The following PRPF39 variants were observed in gnomAD, a reference collection of about 807,000 sequenced individuals.
PRPF39 encodes the protein pre-mRNA-processing factor 39.
In PRPF39, 27 loss-of-function variants were observed where a neutral mutation model predicts 82.1. The observed-to-expected ratio is 0.33, with a 90% CI of 0.24 to 0.45. The LOEUF (loss-of-function observed/expected upper bound fraction) is 0.45, where lower values mean the gene tolerates loss of function less well. Ranked by LOEUF, PRPF39 falls within the 20% of genes least tolerant of loss-of-function variation. The probability of loss-of-function intolerance (pLI) is 1.00; values close to 1 mark genes in which losing one functional copy is unlikely to be tolerated. For missense variants in PRPF39, 581 were observed against 796.9 expected (o/e 0.73, Z 3.26); for synonymous variants, 261 against 256.4 (o/e 1.02, Z -0.17).
At chr14:45,113,983 CAA>C (rs1281077643) in intron 11 of PRPF39, among the ~76,000 whole-genome samples, 198 bp from the exon 12 acceptor site, 1 of 152,114 alleles carries the variant, frequency 6.6e-6, no homozygotes, top group Non-Finnish European at 1.5e-5. Context: ...AGATTCAACA[CAA>C]GTGTCATTTA....
intron 1 of PRPF39, among the ~76,000 whole-genome samples, chr14:45,092,925 C>T (rs1407391259): frequency 6.6e-6 from 1 of 151,944 alleles, no homozygotes; most frequent in Non-Finnish European, 1.5e-5. Flanking sequence ...AAAAATGTAT[C>T]CAGTCAACTT....
At chr14:45,096,020 A>T in intron 2 of PRPF39, 83 bp from the exon 3 acceptor site, 1 of 1,226,194 alleles carries the variant, frequency 8.2e-7, no homozygotes, top group Non-Finnish European at 1.1e-6. Context: ...TTATTTTTTT[A>T]GATAATAACG....
chr14:45,107,752 A>G, intron 6 of PRPF39, 136 bp downstream of exon 6: 1 of 807,008 alleles, frequency 1.2e-6, no homozygotes, highest in Non-Finnish European at 1.9e-6. Flanking sequence ...AACATGGTGA[A>G]ACCCTGTCTA....
chr14:45,101,819 T>G (rs985258631), intron 4 of PRPF39, among the ~76,000 whole-genome samples: 1 of 151,744 alleles, frequency 6.6e-6, no homozygotes, highest in Admixed American at 6.6e-5. Flanking sequence ...CTTTTTTTTT[T>G]TTTTTGAGAC....
chr14:45,097,135 ATAAACT>A lies in PRPF39; in HGVS notation c.569+134_569+139del, dbSNP rs112109440. On this transcript the variant is annotated intron_variant, in intron 4 of 13. Coordinates refer to ENST00000355765, the MANE Select transcript of PRPF39 (RefSeq NM_017922.4). ...CATTGTTAAAAAAATGATACATGTA[ATAAACT>A]TAAGCTTTATGATTTGAAAATGCAG... is the stretch of plus-strand genomic sequence containing the variant. 9,467 of 1,333,546 alleles carry A rather than the reference ATAAACT, an allele frequency of 7.1e-3. 525 individuals are homozygous for A. The African/African-American group carries it at 0.12, about 17-fold the overall frequency. The allele number at this position is 1,333,546 out of a possible 1,614,324, so 82.6% of individuals were successfully genotyped here. A position where few individuals can be genotyped will look rare whatever the true frequency, so the allele number is the denominator to read the frequency against.
At position 45,112,424 on chromosome 14, in the gene PRPF39, C is replaced by A; in HGVS notation, c.1679C>A (p.Ser560Ter). The change falls in exon 11 of 14, where the codon TCA (serine) becomes TAA (stop). Residue 560 changes from serine to a stop codon, truncating the protein, a stop_gained. Coordinates refer to ENST00000355765, the MANE Select transcript of PRPF39 (RefSeq NM_017922.4). LOFTEE classifies it high-confidence loss of function. Reference sequence around the variant, plus strand: ...TGTTTTGACAAAGCTGTACATGGTTCATTACCTATTAAAATGAGAATTACA... The same window carrying A: ...TGTTTTGACAAAGCTGTACATGGTTAATTACCTATTAAAATGAGAATTACA... ...LNCFDKAVHG[S>*]LPIKMRITFS... The A allele has an allele frequency of 6.4e-7, 1 of 1,551,620 alleles. No homozygotes were observed. Among genetic ancestry groups the A allele is most frequent in the South Asian group, 1.3e-5 (1 of 79,664 alleles).
At position 45,107,462 on chromosome 14, in the gene PRPF39, A is replaced by G; in HGVS notation, c.749A>G (p.His250Arg). The G allele has an allele frequency of 1.3e-6, 2 of 1,541,146 alleles. No homozygotes were observed. Among genetic ancestry groups the G allele is most frequent in the Non-Finnish European group, 1.8e-6 (2 of 1,131,976 alleles). ...YSHHFQRFKEHVQNNLPRDLL... is the reference protein window; with the variant it reads ...YSHHFQRFKERVQNNLPRDLL... ...TTGTCTTCCTTTAGATTTAAAGAAC[A>G]TGTACAGAATAATTTGCCTAGAGAT... The change falls in exon 6 of 14, where the codon CAT becomes CGT. Residue 250 changes from histidine (H) to arginine (R), a missense_variant. His to Arg is a conservative substitution (Grantham distance 29). Transcript: ENST00000355765.
chr14:45,102,615 A>G lies in PRPF39; in HGVS notation c.656A>G (p.Gln219Arg), dbSNP rs1884411088. The change falls in exon 5 of 14, where the codon CAG becomes CGG. Residue 219 changes from glutamine (Q) to arginine (R), a missense_variant. Coordinates refer to ENST00000355765, the MANE Select transcript of PRPF39 (RefSeq NM_017922.4). ...ATGTATATAAACTGGGAAAATGAGCAGGGAAACCTGAGAGAAGTTACAGCT... is the reference window on the plus strand; with the variant it reads ...ATGTATATAAACTGGGAAAATGAGCGGGGAAACCTGAGAGAAGTTACAGCT... ...WEMYINWENE[Q>R]GNLREVTAIY... 8.7e-6 allele frequency: 14 copies of G among 1,611,718 alleles called. No individual in the cohort carries two copies. Among genetic ancestry groups the G allele is most frequent in the Non-Finnish European group, 1.2e-5 (14 of 1,178,238 alleles).
chr14:45,088,730 G>A (rs920021089), intron 1 of PRPF39, among the ~76,000 whole-genome samples: 10 of 152,134 alleles, frequency 6.6e-5, no homozygotes, highest in African/African-American at 2.4e-4. Flanking sequence ...TGAAGTTATA[G>A]CAGTGCAGAT....
intron 4 of PRPF39, among the ~76,000 whole-genome samples, chr14:45,100,075 A>T (rs1261712463): frequency 2.0e-5 from 3 of 152,088 alleles, no homozygotes; most frequent in African/African-American, 7.2e-5. Flanking sequence ...TTAAAATACA[A>T]AAAAATTAGC....
chr14:45,092,901 A>G (rs1884081238), intron 1 of PRPF39, among the ~76,000 whole-genome samples: 1 of 143,808 alleles, frequency 7.0e-6, no homozygotes, highest in Non-Finnish European at 1.5e-5. Flanking sequence ...TGGTAGTCAT[A>G]AAATTGTTAA....
chr14:45,110,892 T>C lies in PRPF39; in HGVS notation c.1572+75T>C. Reference sequence around the variant, plus strand: ...CAGTGTATTTTCACTGTGGCAACTGTGATGAAAGATTTGGTCTGTATGTAA... The same window carrying C: ...CAGTGTATTTTCACTGTGGCAACTGCGATGAAAGATTTGGTCTGTATGTAA... On this transcript the variant is annotated intron_variant, in intron 10 of 13. Transcript: ENST00000355765. The surrounding 1 kb of genome is among the most constrained non-coding windows in gnomAD (Gnocchi z 4.0). 1 of 1,333,090 alleles carries C rather than the reference T, an allele frequency of 7.5e-7. No homozygotes were observed. Among genetic ancestry groups the C allele is most frequent in the Non-Finnish European group, 1.0e-6 (1 of 981,816 alleles). 82.6% of individuals were successfully genotyped at this position (1,333,090 alleles called of 1,614,324 possible).
In PRPF39 at chr14:45,116,068, A is replaced by C. The variant is rs919007066; in HGVS notation, c.*1155A>C. ...AGCTGGGACCAAGTAAACAAATTTT[A>C]TTAACTCCTTGAATTTTCCAGTTGA... On this transcript the variant is annotated 3_prime_UTR_variant, in exon 14 of 14. Transcript: ENST00000355765. 46 of 641,376 alleles carry C rather than the reference A, an allele frequency of 7.2e-5. No homozygotes were observed. Among genetic ancestry groups the C allele is most frequent in the Admixed American group, 6.6e-4 (26 of 39,600 alleles). The allele number at this position is 641,376 out of a possible 1,614,324, so 39.7% of individuals were successfully genotyped here. A position where few individuals can be genotyped will look rare whatever the true frequency, so the allele number is the denominator to read the frequency against.
intron 6 of PRPF39, 55 bp downstream of exon 6, chr14:45,107,671 G>A: frequency 6.7e-7 from 1 of 1,496,884 alleles, no homozygotes; most frequent in Non-Finnish European, 9.0e-7. Flanking sequence ...GCTTATGCCT[G>A]TAATCGCAGC....
chr14:45,109,947 C>T, intron 8 of PRPF39, 147 bp from the exon 9 acceptor site: 1 of 1,538,292 alleles, frequency 6.5e-7, no homozygotes, highest in South Asian at 1.3e-5. Context: ...ACCTCGTTGC[C>T]TCTCTTCGTC....
At position 45,110,117 on chromosome 14, in the gene PRPF39, T is replaced by C; in HGVS notation, c.1200T>C (p.His400=). ...AGTATGCCAAGTACATGGAAAACCA[T>C]AGCATTGAAGGAGTGAGGCATGTCT... ...WIKYAKYMEN[H]SIEGVRHVFS... The change falls in exon 9 of 14, where the codon CAT becomes CAC. Residue 400 remains histidine (H), a synonymous_variant. Coordinates refer to ENST00000355765, the MANE Select transcript of PRPF39 (RefSeq NM_017922.4). This position sits in a 1 kb window ranked among gnomAD's most constrained non-coding sequence, Gnocchi z 4.0. 6.2e-7 allele frequency: 1 copy of C among 1,613,498 alleles called. No homozygotes were observed.
Position 45,110,721 on chromosome 14 carries a change from A to G in PRPF39, c.1476A>G (p.Ser492=). Residue 492 remains serine (S), a synonymous_variant, in exon 10 of 14, where the codon TCA becomes TCG. Transcript: ENST00000355765. The surrounding 1 kb of genome is among the most constrained non-coding windows in gnomAD (Gnocchi z 4.0). ...IKNAKSNNES[S]FYAVKLARHL... is the part of the protein sequence containing the mutation. ...ATGCCAAATCAAATAATGAATCTTC[A>G]TTTTATGCTGTCAAACTAGCCCGGC... The G allele has an allele frequency of 6.4e-7, 1 of 1,563,812 alleles. No individual in the cohort carries two copies. Among genetic ancestry groups the G allele is most frequent in the Non-Finnish European group, 8.7e-7 (1 of 1,153,012 alleles).
intron 5 of PRPF39, among the ~76,000 whole-genome samples, chr14:45,106,195 A>G (rs1201069298): frequency 6.6e-6 from 1 of 152,010 alleles, no homozygotes; most frequent in Admixed American, 6.5e-5. Flanking sequence ...CTAAAATTAG[A>G]AAAATTAGCT....
At chr14:45,103,872 C>A (rs1326126463) in intron 5 of PRPF39, among the ~76,000 whole-genome samples, 2 of 152,206 alleles carry the variant, frequency 1.3e-5, no homozygotes, top group East Asian at 3.9e-4. Flanking sequence ...TAGGAAAAAT[C>A]TATGACTACA....
Sources: allele counts gnomAD v4.1 joint callset (sites outside exome capture counted in the v4.1 genomes callset), GRCh38; gene constraint gnomAD v4.1.1; non-coding constraint Gnocchi (gnomAD v3.1); transcripts MANE v1.5; gene names NCBI Gene and HGNC (gene_info 2026-07-23, HGNC 2026-07-21).